The following SGIP1 variants were observed in gnomAD, a reference collection of about 807,000 sequenced individuals.
The protein encoded by SGIP1 is SH3GL interacting endocytic adaptor 1.
In SGIP1, 38 loss-of-function variants were observed where a neutral mutation model predicts 107.5. The ratio of observed to expected loss-of-function variants is 0.35; its 90% CI spans 0.27 to 0.46. The LOEUF (loss-of-function observed/expected upper bound fraction) is 0.46, where lower values mean the gene tolerates loss of function less well. Among genes scored for constraint, SGIP1 ranks in the 20% least tolerant of loss-of-function variants. The pLI, the probability that SGIP1 is intolerant of heterozygous loss-of-function variation, is 1.00. For missense variants in SGIP1, 929 were observed against 1,019.5 expected, an observed-to-expected ratio of 0.91 and a Z score of 1.21; for synonymous variants, 365 against 366.1, an observed-to-expected ratio of 1.00 and a Z score of 0.03.
intron 1 of SGIP1, among the ~76,000 whole-genome samples, chr1:66,544,929 C>T (rs1209737563): frequency 6.6e-6 from 1 of 152,172 alleles, no homozygotes; most frequent in Non-Finnish European, 1.5e-5. Flanking sequence ...ATTTGAAGAA[C>T]TATGTCTACC....
At chr1:66,540,194 G>C (rs1025745885) in intron 1 of SGIP1, among the ~76,000 whole-genome samples, 3 of 151,328 alleles carry the variant, frequency 2.0e-5, no homozygotes, top group Non-Finnish European at 4.4e-5. Context: ...ATTCTGCAGT[G>C]ATAAATTGTG....
At chr1:66,594,295 T>C (rs972598134) in intron 1 of SGIP1, among the ~76,000 whole-genome samples, 15 of 152,248 alleles carry the variant, frequency 9.9e-5, no homozygotes, top group Non-Finnish European at 2.1e-4. Context: ...TATTTCCTTG[T>C]AGGTCTCCTT....
intron 1 of SGIP1, among the ~76,000 whole-genome samples, chr1:66,563,008 G>C (rs1284069788): frequency 6.6e-6 from 1 of 151,822 alleles, no homozygotes; most frequent in East Asian, 1.9e-4. Context: ...ACACTCTCTT[G>C]CATGTGGTAT....
chr1:66,617,542 G>T (rs2069690231), intron 1 of SGIP1, among the ~76,000 whole-genome samples: 1 of 152,158 alleles, frequency 6.6e-6, no homozygotes, highest in Non-Finnish European at 1.5e-5. Flanking sequence ...GCGGCATTGT[G>T]CCCAGGGCAA....
chr1:66,689,223 G>A lies in SGIP1; in HGVS notation c.1391G>A (p.Arg464Gln), dbSNP rs372927369. 1.2e-5 allele frequency: 19 copies of A among 1,613,652 alleles called. No homozygotes were observed. The highest frequency in any genetic ancestry group is 8.0e-5 in the African/African-American group (6 of 74,946). ...RSTTPPPPPP[R>Q]PPSRPKLPPG... is the part of the protein sequence containing the mutation. Reference sequence around the variant, plus strand: ...ACCACTCCACCTCCACCTCCTCCCCGGCCTCCATCCCGGCCAAAGCTACCT... The same window carrying A: ...ACCACTCCACCTCCACCTCCTCCCCAGCCTCCATCCCGGCCAAAGCTACCT... Residue 464 changes from arginine (R) to glutamine (Q), a missense_variant, in exon 16 of 25, where the codon CGG (arginine) becomes CAG (glutamine). By Grantham distance (43) the Arg-to-Gln change is conservative. This residue lies in a region of SGIP1 where 588 missense variants were observed against 588.6 expected (regional missense o/e 1.00). Coordinates refer to ENST00000371037, the MANE Select transcript of SGIP1 (RefSeq NM_032291.4).
At chr1:66,679,029 G>T (rs1478088369) in intron 13 of SGIP1, among the ~76,000 whole-genome samples, 1 of 152,170 alleles carries the variant, frequency 6.6e-6, no homozygotes, top group Non-Finnish European at 1.5e-5. Flanking sequence ...AGCTCAGAAG[G>T]GTGAATCTCT....
At chr1:66,670,742 C>G (rs1471919028) in intron 9 of SGIP1, among the ~76,000 whole-genome samples, 1 of 152,100 alleles carries the variant, frequency 6.6e-6, no homozygotes, top group Non-Finnish European at 1.5e-5. Context: ...CAAATCTACC[C>G]AGGTAAGGGG....
At chr1:66,571,642 A>G (rs1323774054) in intron 1 of SGIP1, among the ~76,000 whole-genome samples, 2 of 152,004 alleles carry the variant, frequency 1.3e-5, no homozygotes, top group East Asian at 1.9e-4. Context: ...TCAGTCATGT[A>G]ACTCTTAAAA....
Position 66,593,524 on chromosome 1 carries a change from C to T in SGIP1, c.11-32323C>T, listed in dbSNP as rs560367063. 2.0e-5 allele frequency among the ~76,000 whole-genome samples: 3 copies of T among 152,256 alleles called. No homozygotes were observed. In the South Asian group the frequency reaches 6.2e-4, roughly 32 times the overall value. ...ATGTGGCTGATTTGACACATAGCTC[C>T]CTTGTAATGGTCTCTTCTACTCATT... On this transcript the variant is annotated intron_variant, in intron 1 of 24. Coordinates refer to ENST00000371037, the MANE Select transcript of SGIP1 (RefSeq NM_032291.4).
rs373753566 is a variant in SGIP1 at position 66,663,331 on chromosome 1, G to A, written c.471+2807G>A. Among the ~76,000 whole-genome samples the A allele has an allele frequency of 1.6e-4, 24 of 152,094 alleles. No homozygotes were observed. The East Asian group carries it at 1.7e-3, about 11-fold the overall frequency. Reference sequence around the variant, plus strand: ...CCAGATACTAAATCAGTTTTCTTCTGCCTTTGAAGAAAATTCTGTATATTG... The same window carrying A: ...CCAGATACTAAATCAGTTTTCTTCTACCTTTGAAGAAAATTCTGTATATTG... On this transcript the variant is annotated intron_variant, in intron 8 of 24. Coordinates refer to ENST00000371037, the MANE Select transcript of SGIP1 (RefSeq NM_032291.4).
chr1:66,692,915 T>A (rs1212142960), intron 17 of SGIP1, among the ~76,000 whole-genome samples: 2 of 152,198 alleles, frequency 1.3e-5, no homozygotes, highest in Non-Finnish European at 1.5e-5. Context: ...CAGGACTTTT[T>A]GTGTATTGTC....
At chr1:66,734,535 C>A (rs1412851841) in intron 21 of SGIP1, among the ~76,000 whole-genome samples, 1 of 147,048 alleles carries the variant, frequency 6.8e-6, no homozygotes, top group African/African-American at 2.5e-5. Flanking sequence ...GACAGAGTCT[C>A]ACCCTATCAC....
chr1:66,685,509 G>T lies in SGIP1; in HGVS notation c.1315+3140G>T, dbSNP rs76749075. Among the ~76,000 whole-genome samples, 1,282 of 152,262 alleles carry T rather than the reference G, an allele frequency of 8.4e-3. 43 individuals are homozygous for T. The South Asian group carries it at 0.096, about 11-fold the overall frequency. The stretch of plus-strand genomic sequence containing the variant: ...TTTTGTTGGCTTGCACCATGTTTGA[G>T]GGCCAGGGAAAGAAAGGAGTAAGTA... On this transcript the variant is annotated intron_variant, in intron 15 of 24. Transcript: ENST00000371037.
At chr1:66,569,452 G>T (rs552490078) in intron 1 of SGIP1, among the ~76,000 whole-genome samples, 1 of 151,862 alleles carries the variant, frequency 6.6e-6, no homozygotes, top group African/African-American at 2.4e-5. Flanking sequence ...ATGGGTGTTG[G>T]ATTTTGTCAG....
chr1:66,648,635 C>A (rs1426531109), intron 7 of SGIP1, among the ~76,000 whole-genome samples: 5 of 152,156 alleles, frequency 3.3e-5, no homozygotes, highest in Non-Finnish European at 7.4e-5. Flanking sequence ...ACCTACCAGG[C>A]CAGAAACCCT....
At chr1:66,635,770 A>G (rs1273796047) in intron 3 of SGIP1, among the ~76,000 whole-genome samples, 174 bp from the exon 4 acceptor site, 2 of 152,126 alleles carry the variant, frequency 1.3e-5, no homozygotes, top group African/African-American at 2.4e-5. Flanking sequence ...TATGGGCCCC[A>G]AAGTCCACTC....
chr1:66,633,379 C>G (rs1482262614), intron 3 of SGIP1, among the ~76,000 whole-genome samples: 2 of 152,152 alleles, frequency 1.3e-5, no homozygotes, highest in African/African-American at 4.8e-5. Context: ...CTCCCATCAA[C>G]TGTTATTTCA....
intron 18 of SGIP1, among the ~76,000 whole-genome samples, chr1:66,713,673 T>C (rs1030038491): frequency 7.9e-5 from 12 of 152,156 alleles, no homozygotes; most frequent in African/African-American, 2.9e-4. Context: ...GGGAAGGATA[T>C]GCCTCATACA....
intron 19 of SGIP1, among the ~76,000 whole-genome samples, chr1:66,721,921 C>A (rs2093556430): frequency 6.6e-6 from 1 of 152,158 alleles, no homozygotes; most frequent in South Asian, 2.1e-4. Flanking sequence ...TGTCACTCTT[C>A]TGCTCAAAAT....
Sources: allele counts gnomAD v4.1 joint callset (sites outside exome capture counted in the v4.1 genomes callset), GRCh38; gene constraint gnomAD v4.1.1; regional missense constraint gnomAD v4.1.1; transcripts MANE v1.5; gene names NCBI Gene and HGNC (gene_info 2026-07-23, HGNC 2026-07-21).